The following UQCR11 variants were observed in gnomAD, a reference collection of about 807,000 sequenced individuals.
UQCR11 encodes ubiquinol-cytochrome c reductase, complex III subunit XI.
A neutral mutation model predicts 7.6 loss-of-function variants in UQCR11; 10 were observed. The observed-to-expected ratio is 1.31, with a 90% CI of 0.81 to 2.22. UQCR11 has a LOEUF of 2.22. Ranked by LOEUF, UQCR11 falls within the 30% of genes most tolerant of loss-of-function variation. UQCR11 has a pLI of 0.00. For synonymous variants in UQCR11, 34 were observed against 34.9 expected, an observed-to-expected ratio of 0.97 and a Z score of 0.09; for missense variants, 86 against 75.1, an observed-to-expected ratio of 1.15 and a Z score of -0.54.
chr19:1,604,187 C>T (rs557267339), intron 1 of UQCR11, among the ~76,000 whole-genome samples: 3 of 152,314 alleles, frequency 2.0e-5, no homozygotes, highest in South Asian at 2.1e-4. Context: ...TCGGGTGATT[C>T]GCCCGCCTTG....
At position 1,597,339 on chromosome 19, in the gene UQCR11, C is replaced by G. The variant is rs2060734203; in HGVS notation, c.*905G>C. The G allele has an allele frequency of 6.6e-6, 1 of 152,152 alleles. No individual in the cohort carries two copies. Among genetic ancestry groups the G allele is most frequent in the South Asian group, 2.1e-4 (1 of 4,830 alleles). The allele number at this position is 152,152 out of a possible 1,614,324, so 9.4% of individuals were successfully genotyped here. A position where few individuals can be genotyped will look rare whatever the true frequency, so the allele number is the denominator to read the frequency against. ...GCTGAGCCACCACTCCCAGCCTGTT[C>G]ATTTTTGTATCCCTAATGTGACAGT... On this transcript the variant is annotated 3_prime_UTR_variant, in exon 3 of 3. Coordinates refer to ENST00000591899, the MANE Select transcript of UQCR11 (RefSeq NM_006830.4).
At chr19:1,603,124 C>A (rs1315997599) in intron 1 of UQCR11, among the ~76,000 whole-genome samples, 1 of 152,234 alleles carries the variant, frequency 6.6e-6, no homozygotes, top group Admixed American at 6.5e-5. Flanking sequence ...AAGCCACTGC[C>A]TGGTGGCACA....
chr19:1,599,368 C>T (rs984494334), intron 2 of UQCR11, 44 bp downstream of exon 2: 2 of 1,596,216 alleles, frequency 1.3e-6, no homozygotes, highest in Middle Eastern at 1.7e-4. Flanking sequence ...CGGCCACCAT[C>T]CGGCCATCAT....
chr19:1,598,667 C>T (rs538591862), intron 2 of UQCR11, among the ~76,000 whole-genome samples: 51 of 152,284 alleles, frequency 3.3e-4, no homozygotes, highest in African/African-American at 1.1e-3. Context: ...GCTGAGATCG[C>T]GCCACCGTAT....
At chr19:1,601,662 G>C (rs556771244) in intron 1 of UQCR11, among the ~76,000 whole-genome samples, 2 of 152,050 alleles carry the variant, frequency 1.3e-5, no homozygotes, top group African/African-American at 4.8e-5. Context: ...AGTGATCGTG[G>C]AAACGGATCT....
At chr19:1,598,580 G>A (rs2060738108) in intron 2 of UQCR11, among the ~76,000 whole-genome samples, 1 of 151,846 alleles carries the variant, frequency 6.6e-6, no homozygotes, top group South Asian at 2.1e-4. Flanking sequence ...GTGTAGTGGT[G>A]GGCACCTGTA....
At chr19:1,601,138 T>C (rs1332011037) in intron 1 of UQCR11, among the ~76,000 whole-genome samples, 1 of 151,626 alleles carries the variant, frequency 6.6e-6, no homozygotes, top group Non-Finnish European at 1.5e-5. Context: ...CATTGCTCTC[T>C]AGCCTGGGTG....
chr19:1,600,692 T>C (rs1433673885), intron 1 of UQCR11, among the ~76,000 whole-genome samples: 6 of 151,586 alleles, frequency 4.0e-5, no homozygotes, highest in African/African-American at 1.5e-4. Flanking sequence ...GACAACAGAG[T>C]GAGACCCCAT....
At chr19:1,600,566 C>T (rs770482998) in intron 1 of UQCR11, among the ~76,000 whole-genome samples, 6 of 152,108 alleles carry the variant, frequency 3.9e-5, no homozygotes, top group Non-Finnish European at 8.8e-5. Context: ...GCATCACTGC[C>T]GAGGTCAAGT....
At chr19:1,605,284 C>T in intron 1 of UQCR11, 76 bp downstream of exon 1, 1 of 1,468,076 alleles carries the variant, frequency 6.8e-7, no homozygotes, top group South Asian at 1.3e-5. Context: ...CGGAAACGCG[C>T]ACAAATACGG....
Position 1,599,501 on chromosome 19 carries a change from T to A in UQCR11, c.110A>T (p.Asp37Val), listed in dbSNP as rs757125551. The change falls in exon 2 of 3, where the codon GAT (aspartate) becomes GTT (valine). Residue 37 changes from aspartate (D) to valine (V), a missense_variant. Coordinates refer to ENST00000591899, the MANE Select transcript of UQCR11 (RefSeq NM_006830.4). ...TACCCAGTCCAGGATCAGCCGCCAA[T>A]CGGTGGCCCACACCAGCCCCACGGC... Reference protein sequence around the residue: ...VGAVGLVWATDWRLILDWVPY... With the variant: ...VGAVGLVWATVWRLILDWVPY... The A allele has an allele frequency of 1.2e-6, 2 of 1,613,528 alleles. No homozygotes were observed. The highest frequency in any genetic ancestry group is 8.5e-7 in the Non-Finnish European group (1 of 1,180,016).
At chr19:1,601,788 T>C (rs560149857) in intron 1 of UQCR11, among the ~76,000 whole-genome samples, 1 of 152,238 alleles carries the variant, frequency 6.6e-6, no homozygotes, top group African/African-American at 2.4e-5. Flanking sequence ...GCGGCTAATT[T>C]TGGGAGACCA....
rs554533013 is a variant in UQCR11, at chr19:1,599,630, G to A, written c.51-70C>T. The stretch of plus-strand genomic sequence containing the variant: ...TCCAAGACCCTCTCCTGCCCACCCC[G>A]GCCCCCCGTCCTGAGCGGTGATGGC... On this transcript the variant is annotated intron_variant, in intron 1 of 2. Coordinates refer to ENST00000591899, the MANE Select transcript of UQCR11 (RefSeq NM_006830.4). The A allele has an allele frequency of 2.9e-4, 465 of 1,581,578 alleles. 3 individuals are homozygous for A. In the African/African-American group the frequency reaches 5.5e-3, roughly 19 times the overall value.
At chr19:1,605,269 G>A in intron 1 of UQCR11, 91 bp downstream of exon 1, 4 of 1,407,170 alleles carry the variant, frequency 2.8e-6, no homozygotes, top group East Asian at 3.0e-5. Flanking sequence ...GCCCGGCCCG[G>A]CCCCCGGAAA....
At position 1,605,363 on chromosome 19, in the gene UQCR11, T is replaced by G. The variant is rs761650558; in HGVS notation, c.47A>C (p.Asn16Thr). The G allele has an allele frequency of 1.9e-6, 3 of 1,580,074 alleles. No homozygotes were observed. Among genetic ancestry groups the G allele is most frequent in the Non-Finnish European group, 1.7e-6 (2 of 1,167,522 alleles). ...LGPRYRELVK[N>T]WVPTAYTWGA... The stretch of plus-strand genomic sequence containing the variant: ...GGCCGCGGGTCGGCGTCCTCACCAG[T>G]TCTTGACCAGCTCCCGGTAGCGTGG... Residue 16 changes from asparagine (N) to threonine (T), a missense_variant, in exon 1 of 3, where the codon AAC becomes ACC. Coordinates refer to ENST00000591899, the MANE Select transcript of UQCR11 (RefSeq NM_006830.4).
At position 1,600,813 on chromosome 19, in the gene UQCR11, G is replaced by T. The variant is rs536801801; in HGVS notation, c.51-1253C>A. 5.3e-5 allele frequency among the ~76,000 whole-genome samples: 8 copies of T among 152,304 alleles called. No homozygotes were observed. In the South Asian group the frequency reaches 1.5e-3, roughly 28 times the overall value. Reference sequence around the variant, plus strand: ...CTCTTGAGCCCAGGAAGCAGAGGCTGTGGCTACACCAACTGCCTTCCAGCC... The same window carrying T: ...CTCTTGAGCCCAGGAAGCAGAGGCTTTGGCTACACCAACTGCCTTCCAGCC... On this transcript the variant is annotated intron_variant, in intron 1 of 2. Coordinates refer to ENST00000591899, the MANE Select transcript of UQCR11 (RefSeq NM_006830.4).
rs1421658935 is a variant in UQCR11 at position 1,605,448 on chromosome 19, T to A, written c.-39A>T. The stretch of plus-strand genomic sequence containing the variant: ...CACCCTCAGGATGACCCTGTCCAGC[T>A]GACCCGGCTACACTGCGCAGGCGCG... On this transcript the variant is annotated 5_prime_UTR_variant, in exon 1 of 3. Transcript: ENST00000591899. 10 of 1,258,382 alleles carry A rather than the reference T, an allele frequency of 7.9e-6. No individual in the cohort carries two copies. The allele number at this position is 1,258,382 out of a possible 1,614,324, so 78.0% of individuals were successfully genotyped here.
chr19:1,599,596 G>C (rs778196988), intron 1 of UQCR11, 36 bp from the exon 2 acceptor site: 1 of 1,600,726 alleles, frequency 6.2e-7, no homozygotes, highest in African/African-American at 1.3e-5. Flanking sequence ...GCCTGCTCTG[G>C]ACCCTTTCTC....
intron 1 of UQCR11, among the ~76,000 whole-genome samples, chr19:1,600,670 G>C (rs936233831): frequency 3.9e-5 from 6 of 152,052 alleles, no homozygotes; most frequent in African/African-American, 1.4e-4. Flanking sequence ...CTAGGAGTTT[G>C]AGACCAGCCT....
Sources: gnomAD v4.1 joint callset for allele counts (sites outside exome capture counted in the v4.1 genomes callset) on GRCh38, gnomAD v4.1.1 for gene constraint, MANE v1.5 for transcripts, NCBI Gene and HGNC (gene_info 2026-07-23, HGNC 2026-07-21) for gene names.